Variants in UTS2 observed in about 807,000 individuals in gnomAD.
UTS2 encodes urotensin 2, also known as urotensin-2.
A neutral mutation model predicts 12.6 loss-of-function variants in UTS2; 10 were observed. That is an observed-to-expected ratio of 0.80 (90% CI 0.49 to 1.35). The LOEUF is 1.35. Ranked by LOEUF, UTS2 falls within the 40% of genes most tolerant of loss-of-function variation. The pLI is 0.00. For synonymous variants in UTS2, 52 were observed against 50.0 expected, an observed-to-expected ratio of 1.04 and a Z score of -0.17; for missense variants, 142 against 143.2, an observed-to-expected ratio of 0.99 and a Z score of 0.04.
Position 7,853,027 on chromosome 1 carries a change from C to T in UTS2, c.-24G>A, listed in dbSNP as rs1558506106. ...ATGATCGCCACAAGATAGACGGCTT[C>T]CTTCTTGGCTTCTGTTGTAGAGAAC... is the stretch of plus-strand genomic sequence containing the variant. On this transcript the variant is annotated 5_prime_UTR_variant, in exon 1 of 4. Transcript: ENST00000361696. 2 of 1,597,242 alleles carry T rather than the reference C, an allele frequency of 1.3e-6. No homozygotes were observed. The highest frequency in any genetic ancestry group is 1.7e-6 in the Non-Finnish European group (2 of 1,175,096).
the UTS2 span, among the ~76,000 whole-genome samples, chr1:7,861,738 G>A: frequency 1.8e-3 from 269 of 152,230 alleles, 2 homozygotes; most frequent in African/African-American, 6.0e-3. Context: ...GACAAAAGGC[G>A]GAAACGAGCA....
intron 1 of UTS2, among the ~76,000 whole-genome samples, chr1:7,851,248 C>T (rs1203678159): frequency 1.3e-5 from 2 of 152,216 alleles, no homozygotes; most frequent in Non-Finnish European, 2.9e-5. Context: ...GACTCTCCCT[C>T]ATTTCTGCTT....
chr1:7,906,511 A>AAAGAAAGAAAG, the UTS2 span, among the ~76,000 whole-genome samples: 4 of 47,804 alleles, frequency 8.4e-5, no homozygotes, highest in East Asian at 8.7e-4. Flanking sequence ...AAGAAAGAAA[A>AAAGAAAGAAAG]GAGGGAGGGA....
At chr1:7,867,325 A>G in the UTS2 span, among the ~76,000 whole-genome samples, 2 of 152,192 alleles carry the variant, frequency 1.3e-5, no homozygotes, top group Non-Finnish European at 2.9e-5. Flanking sequence ...AAGCCCCAGT[A>G]TTTCAGAATG....
chr1:7,857,090 G>GAAAAGGAAT (rs1638326947), upstream of UTS2, among the ~76,000 whole-genome samples: 2 of 125,394 alleles, frequency 1.6e-5, no homozygotes, highest in African/African-American at 3.2e-5. Context: ...AGGGAAGGAA[G>GAAAAGGAAT]GAAGGAAGAA....
chr1:7,856,673 A>G (rs1458330083), upstream of UTS2, among the ~76,000 whole-genome samples: 1 of 49,536 alleles, frequency 2.0e-5, no homozygotes, highest in African/African-American at 8.5e-5. Flanking sequence ...AAGACTTGTT[A>G]ACTCTTTCGA....
chr1:7,890,144 C>A, the UTS2 span, among the ~76,000 whole-genome samples: 47 of 148,690 alleles, frequency 3.2e-4, no homozygotes, highest in Middle Eastern at 0.01. Flanking sequence ...AAAAAAAATT[C>A]CTCTTTTAAG....
chr1:7,852,035 C>G (rs1001218269), intron 1 of UTS2, among the ~76,000 whole-genome samples: 4 of 151,670 alleles, frequency 2.6e-5, no homozygotes, highest in Admixed American at 6.6e-5. Context: ...CTCGGTGACT[C>G]GGGAAGTTGG....
At chr1:7,881,328 T>C in the UTS2 span, among the ~76,000 whole-genome samples, 2 of 152,170 alleles carry the variant, frequency 1.3e-5, no homozygotes, top group Admixed American at 1.3e-4. Context: ...GGCATCCAAA[T>C]TGAAAGAGAG....
upstream of UTS2, among the ~76,000 whole-genome samples, chr1:7,854,990 G>A (rs1462267262): frequency 6.6e-6 from 1 of 151,940 alleles, no homozygotes; most frequent in African/African-American, 2.4e-5. Flanking sequence ...GTGAAACCCT[G>A]TCTCCACTAA....
chr1:7,906,492 A>AAAGAAAGAAAGAAAGG, the UTS2 span, among the ~76,000 whole-genome samples: 2 of 149,698 alleles, frequency 1.3e-5, no homozygotes, highest in African/African-American at 5.0e-5. Context: ...AGAAAGAAAG[A>AAAGAAAGAAAGAAAGG]AAGAAAGAAA....
intron 1 of UTS2, among the ~76,000 whole-genome samples, chr1:7,851,990 A>G (rs532808033): frequency 2.2e-4 from 33 of 152,056 alleles, no homozygotes; most frequent in African/African-American, 7.2e-4. Flanking sequence ...AGTTAATGCC[A>G]GTGTTTAACT....
At chr1:7,870,301 C>A in the UTS2 span, among the ~76,000 whole-genome samples, 152 of 152,240 alleles carry the variant, frequency 1.0e-3, no homozygotes, top group African/African-American at 3.3e-3. Context: ...AGTGAGGACA[C>A]AGGGAGAAGA....
At chr1:7,901,549 G>A in the UTS2 span, among the ~76,000 whole-genome samples, 1 of 151,916 alleles carries the variant, frequency 6.6e-6, no homozygotes, top group Admixed American at 6.6e-5. Flanking sequence ...ACATATGTAT[G>A]TATGTAAATA....
chr1:7,884,390 C>T, the UTS2 span, among the ~76,000 whole-genome samples: 1 of 151,326 alleles, frequency 6.6e-6, no homozygotes, highest in Non-Finnish European at 1.5e-5. Context: ...CAGCCTTGAC[C>T]TTCCGGATTC....
chr1:7,878,896 A>G, the UTS2 span, among the ~76,000 whole-genome samples: 1 of 152,214 alleles, frequency 6.6e-6, no homozygotes, highest in African/African-American at 2.4e-5. Flanking sequence ...TTTTGAGTCT[A>G]AAAGTGTTAA....
At position 7,852,916 on chromosome 1, in the gene UTS2, A is replaced by C. The variant is rs1414212915; in HGVS notation, c.88T>G (p.Ser30Ala). 4.3e-6 allele frequency: 7 copies of C among 1,609,964 alleles called. No individual in the cohort carries two copies. Among genetic ancestry groups the C allele is most frequent in the Non-Finnish European group, 5.1e-6 (6 of 1,178,720 alleles). Residue 30 changes from serine (S) to alanine (A), a missense_variant, in exon 1 of 4, where the codon TCC becomes GCC. Physicochemically the swap from Ser to Ala is moderately conservative, Grantham distance 99 (BLOSUM62 1). Transcript: ENST00000361696. ...SLPLLDSREISFQLSAPHEDA... is the reference protein window; with the variant it reads ...SLPLLDSREIAFQLSAPHEDA... ...AAAATCTTACCTGAGAGTTGAAAGG[A>C]TATTTCCCTGGAGTCAAGGAGAGGA...
the UTS2 span, among the ~76,000 whole-genome samples, chr1:7,886,451 T>G: frequency 6.6e-6 from 1 of 152,194 alleles, no homozygotes; most frequent in African/African-American, 2.4e-5. Flanking sequence ...TGAGTAGTAC[T>G]TGCTTTCTGA....
At chr1:7,885,789 A>T in the UTS2 span, among the ~76,000 whole-genome samples, 1 of 151,474 alleles carries the variant, frequency 6.6e-6, no homozygotes, top group Admixed American at 6.6e-5. Context: ...GGGCGGGACT[A>T]GGACGATGTG....
Sources: allele counts gnomAD v4.1 joint callset (sites outside exome capture counted in the v4.1 genomes callset), GRCh38; gene constraint gnomAD v4.1.1; transcripts MANE v1.5; gene names NCBI Gene and HGNC (gene_info 2026-07-23, HGNC 2026-07-21).